The following RELL1 variants were observed in gnomAD, a reference collection of about 807,000 sequenced individuals.
The protein encoded by RELL1 is RELT like 1.
RELL1 carries 10 observed loss-of-function variants against 23.0 expected under a neutral mutation model. The observed-to-expected ratio is 0.43, with a 90% CI of 0.27 to 0.74. The LOEUF (loss-of-function observed/expected upper bound fraction) is 0.74, where lower values mean the gene tolerates loss of function less well. Ranked by LOEUF, RELL1 falls within the 30% of genes least tolerant of loss-of-function variation. The pLI, the probability that RELL1 is intolerant of heterozygous loss-of-function variation, is 0.19. For synonymous variants in RELL1, 146 were observed against 146.8 expected (o/e 0.99, Z 0.04); for missense variants, 315 against 364.4 (o/e 0.86, Z 1.10).
chr4:37,603,906 C>A (rs984764449), intron 6 of RELL1, among the ~76,000 whole-genome samples: 2 of 152,186 alleles, frequency 1.3e-5, no homozygotes, highest in Non-Finnish European at 2.9e-5. Context: ...AGAGCCTTGA[C>A]CTCGCAGGCT....
At chr4:37,627,033 C>T (rs914573475) in intron 6 of RELL1, among the ~76,000 whole-genome samples, 9 of 152,142 alleles carry the variant, frequency 5.9e-5, no homozygotes, top group African/African-American at 1.2e-4. Context: ...GTTCTCACCA[C>T]GCAAAAAAAT....
chr4:37,609,858 A>T (rs755509540), downstream of RELL1, among the ~76,000 whole-genome samples: 1 of 152,218 alleles, frequency 6.6e-6, no homozygotes, highest in Non-Finnish European at 1.5e-5. Flanking sequence ...GATGAAAGAA[A>T]GTGGTTTCCT....
chr4:37,615,246 A>G (rs1719538547), intron 6 of RELL1, among the ~76,000 whole-genome samples: 1 of 152,224 alleles, frequency 6.6e-6, no homozygotes, highest in African/African-American at 2.4e-5. Flanking sequence ...ACTATCTGTA[A>G]TATCTTTGAG....
chr4:37,594,145 C>T (rs975723369), intron 6 of RELL1, among the ~76,000 whole-genome samples: 2 of 152,136 alleles, frequency 1.3e-5, no homozygotes, highest in Admixed American at 6.5e-5. Context: ...ATTCTGGCCC[C>T]TTTCATCTTT....
At position 37,604,800 on chromosome 4, in the gene RELL1, C is replaced by CAA. The variant is rs1560323586; in HGVS notation, c.*4-13584_*4-13583insTT. 1.6e-4 allele frequency among the ~76,000 whole-genome samples: 19 copies of CAA among 122,100 alleles called. 1 individual carries two copies. Among genetic ancestry groups the CAA allele is most frequent in the African/African-American group, 5.5e-4 (18 of 32,898 alleles). 80.1% of individuals were successfully genotyped at this position (122,100 alleles called of 152,430 possible). A position where few individuals can be genotyped will look rare whatever the true frequency, so the allele number is the denominator to read the frequency against. On this transcript the variant is annotated intron_variant, in intron 6 of 6. Transcript: ENST00000314117. ...AGACACACACAGACACACACACAGA[C>CAA]ACACACACAGACACACACACAGACA...
rs1719110925 is a variant in RELL1 at position 37,604,786 on chromosome 4, G to GACACACAGAC, written c.*4-13570_*4-13569insGTCTGTGTGT. 1.9e-4 allele frequency among the ~76,000 whole-genome samples: 10 copies of GACACACAGAC among 52,694 alleles called. No homozygotes were observed. In the East Asian group the frequency reaches 2.9e-3, roughly 15 times the overall value. The allele number at this position is 52,694 out of a possible 152,430, so 34.6% of individuals were successfully genotyped here. The stretch of plus-strand genomic sequence containing the variant: ...CCACACACACACACAGACACACACA[G>GACACACAGAC]ACACACACACAGACACACACACAGA... On this transcript the variant is annotated intron_variant, in intron 6 of 6. Transcript: ENST00000314117.
chr4:37,599,533 G>C (rs1177344078), intron 6 of RELL1, among the ~76,000 whole-genome samples: 2 of 152,158 alleles, frequency 1.3e-5, no homozygotes, highest in African/African-American at 2.4e-5. Flanking sequence ...TCTAACAAAA[G>C]CTTTATGATT....
At chr4:37,601,753 T>C (rs1232469663) in intron 6 of RELL1, among the ~76,000 whole-genome samples, 1 of 152,222 alleles carries the variant, frequency 6.6e-6, no homozygotes, top group East Asian at 1.9e-4. Context: ...ACTCCTCCTA[T>C]AGCTACGTTT....
intron 2 of RELL1, among the ~76,000 whole-genome samples, chr4:37,649,031 A>T (rs1720801200): frequency 6.6e-6 from 1 of 152,264 alleles, no homozygotes; most frequent in Non-Finnish European, 1.5e-5. Context: ...GCAGAGATTC[A>T]GAGCACACAA....
chr4:37,659,793 A>G (rs751520985), intron 1 of RELL1, among the ~76,000 whole-genome samples: 1 of 152,130 alleles, frequency 6.6e-6, no homozygotes, highest in Non-Finnish European at 1.5e-5. Flanking sequence ...CCATGTCCAC[A>G]AGGCCAAATC....
intron 1 of RELL1, among the ~76,000 whole-genome samples, chr4:37,657,529 T>C (rs148889785): frequency 4.9e-4 from 74 of 152,238 alleles, no homozygotes; most frequent in African/African-American, 1.6e-3. Context: ...ATGACTTCCA[T>C]ATGAAGGAGG....
At chr4:37,641,079 T>C (rs923193262) in intron 3 of RELL1, among the ~76,000 whole-genome samples, 4 of 152,224 alleles carry the variant, frequency 2.6e-5, no homozygotes, top group Non-Finnish European at 5.9e-5. Context: ...ATAAGATATA[T>C]TAAAATCATT....
chr4:37,680,919 A>T (rs1173295285), intron 1 of RELL1, among the ~76,000 whole-genome samples: 1 of 142,864 alleles, frequency 7.0e-6, no homozygotes, highest in African/African-American at 2.8e-5. Context: ...GTGACAGAGC[A>T]ACACTCCATC....
downstream of RELL1, among the ~76,000 whole-genome samples, chr4:37,609,866 C>T (rs545073963): frequency 2.6e-4 from 40 of 152,266 alleles, no homozygotes; most frequent in African/African-American, 9.4e-4. Flanking sequence ...AAAGTGGTTT[C>T]CTGAGATGGC....
intron 6 of RELL1, among the ~76,000 whole-genome samples, chr4:37,629,032 G>A (rs1318108629): frequency 2.0e-5 from 3 of 152,184 alleles, no homozygotes; most frequent in Non-Finnish European, 2.9e-5. Context: ...GGGCAGTGGT[G>A]GCCAAAATCA....
chr4:37,669,478 C>G (rs1375149479), intron 1 of RELL1, among the ~76,000 whole-genome samples: 6 of 150,400 alleles, frequency 4.0e-5, no homozygotes, highest in East Asian at 4.0e-4. Flanking sequence ...CCCGGCCACC[C>G]CTACTGGGAA....
intron 1 of RELL1, among the ~76,000 whole-genome samples, chr4:37,661,943 G>T (rs1006853974): frequency 1.3e-5 from 2 of 152,292 alleles, no homozygotes; most frequent in African/African-American, 4.8e-5. Flanking sequence ...AGGCAGCTAT[G>T]ACTGGGCAGG....
At chr4:37,667,054 G>C (rs16993783) in intron 1 of RELL1, among the ~76,000 whole-genome samples, 15,035 of 152,062 alleles carry the variant, frequency 0.099, 1,648 homozygotes, top group African/African-American at 0.28. Flanking sequence ...GAGTAGGAAA[G>C]AAAATAAAGG....
intron 1 of RELL1, among the ~76,000 whole-genome samples, chr4:37,671,827 C>A (rs1721844104): frequency 6.6e-6 from 1 of 152,170 alleles, no homozygotes; most frequent in Non-Finnish European, 1.5e-5. Context: ...GTCTTCCTTG[C>A]ACGAGGTCCA....
Sources: gnomAD v4.1 joint callset for allele counts (sites outside exome capture counted in the v4.1 genomes callset) on GRCh38, gnomAD v4.1.1 for gene constraint, MANE v1.5 for transcripts, NCBI Gene and HGNC (gene_info 2026-07-23, HGNC 2026-07-21) for gene names.